Variants in MCPH1 observed in about 807,000 individuals in gnomAD.
MCPH1 encodes microcephalin.
In MCPH1, 104 loss-of-function variants were observed where a neutral mutation model predicts 84.5. The ratio of observed to expected loss-of-function variants is 1.23; its 90% CI spans 1.05 to 1.45. The LOEUF (loss-of-function observed/expected upper bound fraction) is 1.45, where lower values mean the gene tolerates loss of function less well. Among genes scored for constraint, MCPH1 ranks in the 40% most tolerant of loss-of-function variants. The pLI is 0.00. For missense variants in MCPH1, 1,498 were observed against 1,005.7 expected, an observed-to-expected ratio of 1.49 and a Z score of -6.62; for synonymous variants, 514 against 366.8, an observed-to-expected ratio of 1.40 and a Z score of -4.58.
At chr8:6,565,508 G>T (rs1328161233) in intron 12 of MCPH1, among the ~76,000 whole-genome samples, 1 of 152,096 alleles carries the variant, frequency 6.6e-6, no homozygotes, top group African/African-American at 2.4e-5. Flanking sequence ...TGATCCTCTT[G>T]CTTGGCCTCC....
chr8:6,408,669 C>T (rs1160565278), intron 1 of MCPH1, among the ~76,000 whole-genome samples: 2 of 151,638 alleles, frequency 1.3e-5, no homozygotes, highest in African/African-American at 2.4e-5. Flanking sequence ...ACCCTACCCA[C>T]CCCCATTTCC....
intron 12 of MCPH1, chr8:6,532,512 C>T: frequency 6.4e-7 from 1 of 1,553,484 alleles, no homozygotes; most frequent in Non-Finnish European, 8.7e-7. Context: ...TGTTAGAAGG[C>T]AGTCATTAGT....
At chr8:6,549,942 C>G (rs993958571) in intron 12 of MCPH1, among the ~76,000 whole-genome samples, 15 of 152,212 alleles carry the variant, frequency 9.9e-5, no homozygotes, top group African/African-American at 3.6e-4. Context: ...CGAGTCTGAG[C>G]TAGCTATAGC....
intron 12 of MCPH1, among the ~76,000 whole-genome samples, chr8:6,573,167 G>C (rs1171502001): frequency 6.6e-6 from 1 of 152,198 alleles, no homozygotes; most frequent in Non-Finnish European, 1.5e-5. Flanking sequence ...TAGGAATTGG[G>C]GTTGTACCCT....
At chr8:6,598,263 C>G (rs1305319808) in intron 12 of MCPH1, among the ~76,000 whole-genome samples, 1 of 152,164 alleles carries the variant, frequency 6.6e-6, no homozygotes, top group Non-Finnish European at 1.5e-5. Context: ...GGAAGAGGGT[C>G]TGTAGAGCAA....
chr8:6,608,487 A>T (rs1201804257), intron 12 of MCPH1, among the ~76,000 whole-genome samples: 1 of 151,970 alleles, frequency 6.6e-6, no homozygotes, highest in Non-Finnish European at 1.5e-5. Flanking sequence ...GGACTCAGGG[A>T]CTCTGTTTTC....
At position 6,447,291 on chromosome 8, in the gene MCPH1, C is replaced by A. The variant is rs953581708; in HGVS notation, c.1825+1744C>A. 17 of 985,236 alleles carry A rather than the reference C, an allele frequency of 1.7e-5. No individual in the cohort carries two copies. In the East Asian group the frequency reaches 1.4e-3, roughly 79 times the overall value. The allele number at this position is 985,236 out of a possible 1,614,324, so 61.0% of individuals were successfully genotyped here. A position where few individuals can be genotyped will look rare whatever the true frequency, so the allele number is the denominator to read the frequency against. On this transcript the variant is annotated intron_variant, in intron 8 of 13. Transcript: ENST00000344683. ...GATGAAACCATAAAGCCTTCAGTTT[C>A]AATGTCAGGGATGCACACTCTATAT...
intron 11 of MCPH1, among the ~76,000 whole-genome samples, chr8:6,487,406 C>T (rs1810064202): frequency 6.6e-6 from 1 of 152,174 alleles, no homozygotes; most frequent in South Asian, 2.1e-4. Flanking sequence ...TCTCATTTTA[C>T]ATTAAAGAAA....
At chr8:6,457,835 G>A (rs375170909) in intron 9 of MCPH1, among the ~76,000 whole-genome samples, 5 of 151,770 alleles carry the variant, frequency 3.3e-5, no homozygotes, top group East Asian at 1.9e-4. Flanking sequence ...AGTGTTCACC[G>A]CACAGCCTTT....
chr8:6,434,810 A>T (rs1430292050), intron 4 of MCPH1, among the ~76,000 whole-genome samples: 1 of 152,164 alleles, frequency 6.6e-6, no homozygotes, highest in East Asian at 1.9e-4. Context: ...TCGCGCTGAA[A>T]ACGAAGGAAC....
At chr8:6,504,825 A>G (rs1222377920) in intron 12 of MCPH1, among the ~76,000 whole-genome samples, 1 of 152,152 alleles carries the variant, frequency 6.6e-6, no homozygotes, top group Non-Finnish European at 1.5e-5. Flanking sequence ...TGTGAACAGG[A>G]AAAAATATAC....
Position 6,480,811 on chromosome 8 carries a change from C to T in MCPH1, c.2071C>T (p.Pro691Ser). 1 of 1,614,224 alleles carries T rather than the reference C, an allele frequency of 6.2e-7. No homozygotes were observed. Among genetic ancestry groups the T allele is most frequent in the African/African-American group, 1.3e-5 (1 of 75,050 alleles). Residue 691 changes from proline (P) to serine (S), a missense_variant, in exon 11 of 14, where the codon CCA becomes TCA. By Grantham distance (74) the Pro-to-Ser change is moderately conservative. Transcript: ENST00000344683. ...ETTTHVLSGKPLRTLNVLLGI... is the reference protein window; with the variant it reads ...ETTTHVLSGKSLRTLNVLLGI... ...CACGACTCACGTGCTTTCCGGGAAG[C>T]CACTTCGCACCCTGAATGTGCTGCT...
chr8:6,579,082 C>G (rs1457049052), intron 12 of MCPH1, among the ~76,000 whole-genome samples: 1 of 152,186 alleles, frequency 6.6e-6, no homozygotes, highest in Non-Finnish European at 1.5e-5. Context: ...GAGAACTGCA[C>G]CAGACTGAGC....
At chr8:6,410,204 G>C (rs1798343957) in intron 2 of MCPH1, among the ~76,000 whole-genome samples, 1 of 151,916 alleles carries the variant, frequency 6.6e-6, no homozygotes, top group South Asian at 2.1e-4. Flanking sequence ...TCAATCTCCT[G>C]ATCTCGTGAT....
chr8:6,583,967 A>G (rs942181116), intron 12 of MCPH1, among the ~76,000 whole-genome samples: 5 of 151,374 alleles, frequency 3.3e-5, no homozygotes, highest in Admixed American at 2.6e-4. Context: ...GTAGTTCAAG[A>G]TTCATCATAC....
intron 12 of MCPH1, among the ~76,000 whole-genome samples, chr8:6,512,052 A>G (rs1202288031): frequency 6.6e-6 from 1 of 152,020 alleles, no homozygotes; most frequent in Non-Finnish European, 1.5e-5. Context: ...AACTGCTGTG[A>G]GGCCCAAACA....
chr8:6,538,197 T>C (rs972100669), intron 12 of MCPH1, among the ~76,000 whole-genome samples: 3 of 152,160 alleles, frequency 2.0e-5, no homozygotes, highest in Non-Finnish European at 4.4e-5. Context: ...AATTCACAAA[T>C]AATTTGAGAT....
chr8:6,428,109 T>C (rs572519272), intron 3 of MCPH1, among the ~76,000 whole-genome samples: 11 of 152,244 alleles, frequency 7.2e-5, no homozygotes, highest in Non-Finnish European at 1.2e-4. Flanking sequence ...TTATTTGGCC[T>C]TACTATAGCT....
intron 3 of MCPH1, among the ~76,000 whole-genome samples, chr8:6,418,333 G>T (rs1221880636): frequency 6.6e-6 from 1 of 152,074 alleles, no homozygotes; most frequent in Non-Finnish European, 1.5e-5. Context: ...TTTAAAATTT[G>T]CCTGTTCTTT....
Sources: gnomAD v4.1 joint callset for allele counts (sites outside exome capture counted in the v4.1 genomes callset) on GRCh38, gnomAD v4.1.1 for gene constraint, MANE v1.5 for transcripts, NCBI Gene and HGNC (gene_info 2026-07-23, HGNC 2026-07-21) for gene names.